The following ZNF592 variants were observed in gnomAD, a reference collection of about 807,000 sequenced individuals.
ZNF592 encodes the protein spinocerebellar ataxia, autosomal recessive 5.
Under a neutral mutation model 80.3 loss-of-function variants are expected in ZNF592, and 11 were observed. The ratio of observed to expected loss-of-function variants is 0.14; its 90% CI spans 0.09 to 0.23. The LOEUF is 0.23. Among genes scored for constraint, ZNF592 ranks in the 10% least tolerant of loss-of-function variants. The probability of loss-of-function intolerance (pLI) is 1.00; values close to 1 mark genes in which losing one functional copy is unlikely to be tolerated. For missense variants in ZNF592, 1,420 were observed against 1,633.9 expected (o/e 0.87, Z 2.26); for synonymous variants, 646 against 640.3 (o/e 1.01, Z -0.13).
rs1199492788 is a variant in ZNF592 at position 84,790,690 on chromosome 15, G to C, written c.2221-15G>C. On this transcript the variant is annotated splice_polypyrimidine_tract_variant and intron_variant, in intron 4 of 10. Transcript: ENST00000560079. ...TGGCCCCTGCATGATCTGCTTTCTTGGTGTTCTTTCCTAGACCTGCCAGGT... is the reference window on the plus strand; with the variant it reads ...TGGCCCCTGCATGATCTGCTTTCTTCGTGTTCTTTCCTAGACCTGCCAGGT... The C allele has an allele frequency of 7.4e-6, 12 of 1,614,002 alleles. No homozygotes were observed. The highest frequency in any genetic ancestry group is 1.0e-5 in the Non-Finnish European group (12 of 1,180,000).
In ZNF592 at chr15:84,762,026, A is replaced by G. The variant is rs191066074; in HGVS notation, c.-258-2681A>G. Among the ~76,000 whole-genome samples, 94 of 152,316 alleles carry G rather than the reference A, an allele frequency of 6.2e-4. 1 individual carries two copies. Among genetic ancestry groups the G allele is most frequent in the Middle Eastern group, 6.8e-3 (2 of 294 alleles). On this transcript the variant is annotated intron_variant, in intron 1 of 10. Transcript: ENST00000560079. Reference sequence around the variant, plus strand: ...AGATCAGTGAAGAAGTGTTTTTGGTATAATCAACCAAACGGCTGCTTCTTT... The same window carrying G: ...AGATCAGTGAAGAAGTGTTTTTGGTGTAATCAACCAAACGGCTGCTTCTTT...
chr15:84,758,989 C>A (rs909324881), intron 1 of ZNF592, among the ~76,000 whole-genome samples: 7 of 151,994 alleles, frequency 4.6e-5, no homozygotes, highest in African/African-American at 1.7e-4. Flanking sequence ...TCTTTTTTGC[C>A]AATTCAGTTA....
intron 2 of ZNF592, among the ~76,000 whole-genome samples, chr15:84,770,519 T>C (rs1678995560): frequency 6.6e-6 from 1 of 152,044 alleles, no homozygotes. Context: ...TTCCAGTGGA[T>C]TATGTATGTG....
rs746901000 is a variant in ZNF592 at position 84,782,790 on chromosome 15, A to T, written c.115A>T (p.Ser39Cys). 12 of 1,614,138 alleles carry T rather than the reference A, an allele frequency of 7.4e-6. No individual in the cohort carries two copies. Among genetic ancestry groups the T allele is most frequent in the Admixed American group, 5.0e-5 (3 of 60,020 alleles). Residue 39 changes from serine to cysteine, a missense_variant, in exon 4 of 11, where the codon AGT becomes TGT. Physicochemically the swap from Ser to Cys is moderately radical, Grantham distance 112 (BLOSUM62 -1). Transcript: ENST00000560079. ...AIQTPSEENE[S>C]PLKPPGICMD... is the part of the protein sequence containing the mutation. ...CCAGACACCCAGTGAGGAGAATGAG[A>T]GTCCCCTCAAACCTCCAGGCATATG...
chr15:84,788,191 CTGAT>C (rs1173434755), intron 4 of ZNF592, among the ~76,000 whole-genome samples: 1 of 152,142 alleles, frequency 6.6e-6, no homozygotes, highest in Non-Finnish European at 1.5e-5. Context: ...CACAAAGTGC[CTGAT>C]TGTCTTCACT....
In ZNF592 at chr15:84,782,938, C is replaced by T; in HGVS notation, c.263C>T (p.Pro88Leu). 6.2e-7 allele frequency: 1 copy of T among 1,614,174 alleles called. No individual in the cohort carries two copies. Among genetic ancestry groups the T allele is most frequent in the Non-Finnish European group, 8.5e-7 (1 of 1,180,036 alleles). ...GAAGCGGAGAAAGACCACATTACTC[C>T]CAGTCTCCTACACAATGGATTCCGG... ...SFEAEKDHIT[P>L]SLLHNGFRGS... The change falls in exon 4 of 11, where the codon CCC becomes CTC. Residue 88 changes from proline (P) to leucine (L), a missense_variant. Transcript: ENST00000560079.
intron 1 of ZNF592, among the ~76,000 whole-genome samples, chr15:84,752,311 A>G (rs1899036737): frequency 6.6e-6 from 1 of 152,188 alleles, no homozygotes; most frequent in South Asian, 2.1e-4. Flanking sequence ...CCTGGAGCTT[A>G]GAGTATCCAG....
At position 84,755,252 on chromosome 15, in the gene ZNF592, C is replaced by T. The variant is rs187162030; in HGVS notation, c.-259+6588C>T. 2.4e-3 allele frequency among the ~76,000 whole-genome samples: 370 copies of T among 151,782 alleles called. 1 individual carries two copies. The highest frequency in any genetic ancestry group is 4.1e-3 in the Non-Finnish European group (279 of 67,972). ...AAGTGCTGGGATTACAGGCATGAGTCACTGCACCTGGCTGAGATTTGAAAA... is the reference window on the plus strand; with the variant it reads ...AAGTGCTGGGATTACAGGCATGAGTTACTGCACCTGGCTGAGATTTGAAAA... On this transcript the variant is annotated intron_variant, in intron 1 of 10. Transcript: ENST00000560079.
At chr15:84,792,135 G>T (rs1190846190) in intron 5 of ZNF592, among the ~76,000 whole-genome samples, 1 of 152,042 alleles carries the variant, frequency 6.6e-6, no homozygotes, top group Non-Finnish European at 1.5e-5. Flanking sequence ...GATGCTGAGG[G>T]CTTCACTGAA....
rs1427962813 is a variant in ZNF592, at chr15:84,801,844, A to G, written c.3274-19A>G. The G allele has an allele frequency of 1.9e-6, 3 of 1,613,828 alleles. No homozygotes were observed. The highest frequency in any genetic ancestry group is 2.5e-6 in the Non-Finnish European group (3 of 1,179,874). ...CCAGGGCTTGGCCTGGACTTTGCTC[A>G]TGCTGTCTCTCCTTTTAGGTGAACC... On this transcript the variant is annotated intron_variant, in intron 10 of 10. Coordinates refer to ENST00000560079, the MANE Select transcript of ZNF592 (RefSeq NM_014630.3).
chr15:84,796,295 A>ATATATATATATAT (rs1567076451), intron 5 of ZNF592, among the ~76,000 whole-genome samples: 2 of 45,540 alleles, frequency 4.4e-5, no homozygotes, highest in African/African-American at 1.2e-4. Context: ...ATATATATAT[A>ATATATATATATAT]AAAAAACGAA....
intron 1 of ZNF592, among the ~76,000 whole-genome samples, chr15:84,761,736 T>G (rs904205684): frequency 6.6e-6 from 1 of 152,188 alleles, no homozygotes; most frequent in African/African-American, 2.4e-5. Context: ...AAACTCTTCC[T>G]GTCTGAGTAC....
At chr15:84,768,410 G>A (rs1456401878) in intron 2 of ZNF592, among the ~76,000 whole-genome samples, 1 of 151,438 alleles carries the variant, frequency 6.6e-6, no homozygotes, top group African/African-American at 2.4e-5. Flanking sequence ...GCTAATTTTT[G>A]TATTTTTAGT....
intron 1 of ZNF592, among the ~76,000 whole-genome samples, chr15:84,758,195 G>A (rs952333297): frequency 3.3e-5 from 5 of 150,064 alleles, no homozygotes; most frequent in African/African-American, 1.2e-4. Context: ...GGCTGGTCTC[G>A]AACTTCTGAC....
rs370710613 is a variant in ZNF592 at position 84,765,535 on chromosome 15, G to T, written c.-150+720G>T. ...ATCCTCACTAGCACTTGTTATTATT[G>T]TTTTTTTTTTTTTTTTTTTTTTGAG... On this transcript the variant is annotated intron_variant, in intron 2 of 10. Transcript: ENST00000560079. Among the ~76,000 whole-genome samples, 118 of 92,216 alleles carry T rather than the reference G, an allele frequency of 1.3e-3. 1 individual carries two copies. The highest frequency in any genetic ancestry group is 2.4e-3 in the South Asian group (6 of 2,484). The allele number at this position is 92,216 out of a possible 152,430, so 60.5% of individuals were successfully genotyped here. A position where few individuals can be genotyped will look rare whatever the true frequency, so the allele number is the denominator to read the frequency against.
chr15:84,759,954 T>TTC (rs1899294129), intron 1 of ZNF592, among the ~76,000 whole-genome samples: 3 of 49,662 alleles, frequency 6.0e-5, no homozygotes, highest in African/African-American at 9.7e-5. Flanking sequence ...TTGGGGAGAT[T>TTC]CCCCCCCCCC....
chr15:84,765,526 G>C (rs1016139218), intron 2 of ZNF592, among the ~76,000 whole-genome samples: 15 of 110,256 alleles, frequency 1.4e-4, no homozygotes, highest in Non-Finnish European at 1.9e-5. Flanking sequence ...ACTAGCACTT[G>C]TTATTATTGT....
chr15:84,792,923 C>T (rs184088314), intron 5 of ZNF592, among the ~76,000 whole-genome samples: 42 of 152,288 alleles, frequency 2.8e-4, no homozygotes, highest in African/African-American at 9.9e-4. Context: ...TTAAACCAAA[C>T]ATCTGAATAT....
chr15:84,802,459 C>T lies in ZNF592; in HGVS notation c.*66C>T, dbSNP rs1963128102. The T allele has an allele frequency of 1.6e-5, 25 of 1,572,424 alleles. No individual in the cohort carries two copies. The highest frequency in any genetic ancestry group is 2.7e-5 in the African/African-American group (2 of 74,064). On this transcript the variant is annotated 3_prime_UTR_variant, in exon 11 of 11. Coordinates refer to ENST00000560079, the MANE Select transcript of ZNF592 (RefSeq NM_014630.3). ...AGTGTCTTCCACCTGCCCTGCGGAC[C>T]GTGGAAAATAAAAGGCTCTGCCCCC...
Sources: allele counts gnomAD v4.1 joint callset (sites outside exome capture counted in the v4.1 genomes callset), GRCh38; gene constraint gnomAD v4.1.1; transcripts MANE v1.5; gene names NCBI Gene and HGNC (gene_info 2026-07-23, HGNC 2026-07-21).